The following NAV1 variants were observed in gnomAD, a reference collection of about 807,000 sequenced individuals.
The protein encoded by NAV1 is neuron navigator 1, also known as pore membrane and/or filament interacting like protein 3.
Under a neutral mutation model 175.2 loss-of-function variants are expected in NAV1, and 18 were observed. The ratio of observed to expected loss-of-function variants is 0.10; its 90% CI spans 0.07 to 0.15. The LOEUF (loss-of-function observed/expected upper bound fraction) is 0.15, where lower values mean the gene tolerates loss of function less well. Ranked by LOEUF, NAV1 falls within the 10% of genes least tolerant of loss-of-function variation. The pLI, the probability that NAV1 is intolerant of heterozygous loss-of-function variation, is 1.00. For missense variants in NAV1, 1,731 were observed against 2,436.6 expected (o/e 0.71, Z 6.10); for synonymous variants, 897 against 978.7 (o/e 0.92, Z 1.56).
At chr1:201,780,440 A>G in exon 4 of NAV1, 3 of 1,614,214 alleles carry the variant, frequency 1.9e-6, no homozygotes, top group Non-Finnish European at 2.5e-6. Context: ...AAGCAGCTCC[A>G]TCAGTAGTGG....
At chr1:201,632,723 C>T (rs1298390109) in intron 2 of NAV1, among the ~76,000 whole-genome samples, 1 of 152,236 alleles carries the variant, frequency 6.6e-6, no homozygotes, top group African/African-American at 2.4e-5. Flanking sequence ...GCCAGAGCCT[C>T]CTCCCTGCCT....
intron 1 of NAV1, among the ~76,000 whole-genome samples, chr1:201,576,262 CAT>C (rs1417145556): frequency 3.2e-4 from 48 of 152,338 alleles, no homozygotes; most frequent in African/African-American, 1.1e-3. Flanking sequence ...AATCATAGAG[CAT>C]ATTCCTTTTG....
intron 2 of NAV1, among the ~76,000 whole-genome samples, chr1:201,594,071 A>AT (rs1667282434): frequency 7.8e-6 from 1 of 127,754 alleles, no homozygotes; most frequent in African/African-American, 3.3e-5. Flanking sequence ...AGGGAGTGGC[A>AT]CTTTTTTTTT....
At chr1:201,759,659 T>G (rs1309243969) in intron 3 of NAV1, among the ~76,000 whole-genome samples, 1 of 152,180 alleles carries the variant, frequency 6.6e-6, no homozygotes, top group East Asian at 1.9e-4. Context: ...AATGTTGAGT[T>G]GGATCCCAGC....
At chr1:201,552,852 A>G (rs1220416229) in intron 1 of NAV1, among the ~76,000 whole-genome samples, 5 of 152,046 alleles carry the variant, frequency 3.3e-5, no homozygotes, top group Admixed American at 6.5e-5. Context: ...TTTATCCCCA[A>G]ATGGATGTTT....
At chr1:201,744,896 A>T (rs1353713298) in intron 3 of NAV1, among the ~76,000 whole-genome samples, 1 of 152,188 alleles carries the variant, frequency 6.6e-6, no homozygotes, top group African/African-American at 2.4e-5. Context: ...CAACTGAATG[A>T]ATTTTTCACT....
At chr1:201,737,801 C>T (rs578128908) in intron 3 of NAV1, among the ~76,000 whole-genome samples, 1 of 152,314 alleles carries the variant, frequency 6.6e-6, no homozygotes, top group Admixed American at 6.5e-5. Flanking sequence ...TGGAGAAAAA[C>T]ATCCCCTGCT....
chr1:201,707,657 C>G (rs1671726423), intron 1 of NAV1, among the ~76,000 whole-genome samples: 1 of 152,224 alleles, frequency 6.6e-6, no homozygotes, highest in Non-Finnish European at 1.5e-5. Context: ...CCTGTTCTGA[C>G]ACTGGAACAG....
chr1:201,808,234 G>C lies in NAV1; in HGVS notation c.3845+85G>C. 1.3e-6 allele frequency: 2 copies of C among 1,505,410 alleles called. No individual in the cohort carries two copies. Among genetic ancestry groups the C allele is most frequent in the South Asian group, 2.4e-5 (2 of 83,130 alleles). 93.3% of individuals were successfully genotyped at this position (1,505,410 alleles called of 1,614,324 possible). ...GTTGACAGGAGGCCATTAGACCTTA[G>C]ACAAGCAGTACTTATTACTGACCTC... On this transcript the variant is annotated intron_variant, in intron 18 of 29. Coordinates refer to ENST00000367296, the Ensembl canonical transcript of NAV1. This position sits in a 1 kb window ranked among gnomAD's most constrained non-coding sequence, Gnocchi z 5.5.
chr1:201,808,734 A>T lies in NAV1; in HGVS notation c.4070A>T (p.Asp1357Val), dbSNP rs1678484013. The T allele has an allele frequency of 6.2e-7, 1 of 1,614,050 alleles. No homozygotes were observed. Among genetic ancestry groups the T allele is most frequent in the African/African-American group, 1.3e-5 (1 of 74,922 alleles). The change falls in exon 20 of 30, where the codon GAC becomes GTC. Residue 1357 changes from aspartate to valine, a missense_variant. Physicochemically the swap from Asp to Val is radical, Grantham distance 152. Transcript: ENST00000367296. This position sits in a 1 kb window ranked among gnomAD's most constrained non-coding sequence, Gnocchi z 5.5. ...GTGGACCTGCTGAAAGCAGAGAATG[A>T]CCGACTGAAGGTAGCCCCAGGCCCC...
rs548868263 is a variant in NAV1 at position 201,542,616 on chromosome 1, C to T, written c.-144+3274C>T. 3.9e-5 allele frequency among the ~76,000 whole-genome samples: 6 copies of T among 152,162 alleles called. No homozygotes were observed. The East Asian group carries it at 5.8e-4, about 15-fold the overall frequency. On this transcript the variant is annotated intron_variant, in intron 1 of 33. Transcript: ENST00000685211. The stretch of plus-strand genomic sequence containing the variant: ...TCCCAGCATCCTGTGACTCTTGAGA[C>T]GTGAAGCGAGGCAGGATGGCTGAGA...
chr1:201,647,764 A>G (rs1032597507), upstream of NAV1, among the ~76,000 whole-genome samples: 10 of 151,878 alleles, frequency 6.6e-5, no homozygotes, highest in Non-Finnish European at 1.5e-4. Flanking sequence ...GGGGAGGGGA[A>G]TGAGCACCCT....
intron 3 of NAV1, among the ~76,000 whole-genome samples, chr1:201,729,319 G>A (rs1366581739): frequency 4.6e-5 from 7 of 152,228 alleles, no homozygotes; most frequent in Non-Finnish European, 1.0e-4. Flanking sequence ...CAATAGTATT[G>A]TTCTTAGCAT....
intron 17 of NAV1, among the ~76,000 whole-genome samples, chr1:201,805,458 G>A (rs371389026): frequency 6.6e-6 from 1 of 152,182 alleles, no homozygotes; most frequent in African/African-American, 2.4e-5. Context: ...CACTGTCTGT[G>A]CAGAAGAGAA....
At chr1:201,632,094 C>A (rs1189889654) in intron 2 of NAV1, among the ~76,000 whole-genome samples, 2 of 152,048 alleles carry the variant, frequency 1.3e-5, no homozygotes, top group Non-Finnish European at 2.9e-5. Context: ...CTTCCAAGCT[C>A]ACTGAATGGG....
Position 201,782,955 on chromosome 1 carries a change from T to C in NAV1, c.2357+86T>C, listed in dbSNP as rs1439771950. On this transcript the variant is annotated intron_variant, in intron 6 of 29. Transcript: ENST00000367296. The surrounding 1 kb of genome is among the most constrained non-coding windows in gnomAD (Gnocchi z 5.4). ...TGCCCTCCTTGGACTAGATGAGGCA[T>C]GGCCTATCCACCGTTGTCTCTAGGC... The C allele has an allele frequency of 1.0e-5, 12 of 1,183,880 alleles. No homozygotes were observed. The highest frequency in any genetic ancestry group is 1.3e-5 in the Non-Finnish European group (11 of 844,326). The allele number at this position is 1,183,880 out of a possible 1,614,324, so 73.3% of individuals were successfully genotyped here.
intron 1 of NAV1, among the ~76,000 whole-genome samples, chr1:201,655,849 T>G (rs1255338122): frequency 2.0e-5 from 3 of 149,118 alleles, no homozygotes; most frequent in Non-Finnish European, 4.5e-5. Flanking sequence ...TATAAGCACC[T>G]TTTTTTTTTC....
chr1:201,639,482 C>T (rs1668691492), intron 2 of NAV1, among the ~76,000 whole-genome samples: 1 of 152,184 alleles, frequency 6.6e-6, no homozygotes. Context: ...TGCTGAGAAA[C>T]CAGTCACGAG....
At chr1:201,679,330 GC>G (rs1401181096) in intron 1 of NAV1, among the ~76,000 whole-genome samples, 2 of 152,118 alleles carry the variant, frequency 1.3e-5, no homozygotes, top group African/African-American at 4.8e-5. Flanking sequence ...AAAATGAGCA[GC>G]CCAGAGCTCC....
Sources: gnomAD v4.1 joint callset for allele counts (sites outside exome capture counted in the v4.1 genomes callset) on GRCh38, gnomAD v4.1.1 for gene constraint, Gnocchi (gnomAD v3.1) non-coding constraint, MANE v1.5 for transcripts, NCBI Gene and HGNC (gene_info 2026-07-23, HGNC 2026-07-21) for gene names.